The following PI4KA variants were observed in gnomAD, a reference collection of about 807,000 sequenced individuals.
PI4KA encodes phosphatidylinositol 4-kinase alpha.
A neutral mutation model predicts 271.4 loss-of-function variants in PI4KA; 122 were observed. The ratio of observed to expected loss-of-function variants is 0.45; its 90% CI spans 0.39 to 0.52. The LOEUF is 0.52. Ranked by LOEUF, PI4KA falls within the 20% of genes least tolerant of loss-of-function variation. The pLI is 0.00. For synonymous variants in PI4KA, 1,041 were observed against 1,078.8 expected (o/e 0.96, Z 0.69); for missense variants, 1,969 against 2,769.1 (o/e 0.71, Z 6.48).
At chr22:20,774,875 C>T (rs1425457425) in intron 19 of PI4KA, among the ~76,000 whole-genome samples, 1 of 151,956 alleles carries the variant, frequency 6.6e-6, no homozygotes, top group Non-Finnish European at 1.5e-5. Context: ...TGAGAACACA[C>T]ACGTACGTAC....
chr22:20,744,846 T>C, intron 29 of PI4KA, 126 bp from the exon 30 acceptor site: 1 of 615,182 alleles, frequency 1.6e-6, no homozygotes, highest in Non-Finnish European at 2.7e-6. Flanking sequence ...AATAAAAATC[T>C]TCACTGCTGG....
chr22:20,783,563 G>C (rs1385312016), intron 19 of PI4KA, among the ~76,000 whole-genome samples: 1 of 152,168 alleles, frequency 6.6e-6, no homozygotes, highest in East Asian at 1.9e-4. Flanking sequence ...GCTGCAGTGA[G>C]CTATGATGGC....
chr22:20,827,053 C>T (rs919624002), intron 3 of PI4KA, among the ~76,000 whole-genome samples: 1 of 152,112 alleles, frequency 6.6e-6, no homozygotes, highest in African/African-American at 2.4e-5. Context: ...AATTAGGTCC[C>T]ATTTGTCAAT....
intron 19 of PI4KA, chr22:20,787,275 G>C (rs1934325175): frequency 1.7e-6 from 1 of 601,264 alleles, no homozygotes. Context: ...TAAGCTCATA[G>C]AAGTCACTGT....
intron 19 of PI4KA, chr22:20,780,282 G>A: frequency 6.3e-7 from 1 of 1,588,946 alleles, no homozygotes; most frequent in Non-Finnish European, 8.6e-7. Context: ...GCCAAGAACT[G>A]TACTGTAGCT....
At chr22:20,842,714 G>A (rs1192024916) in intron 1 of PI4KA, among the ~76,000 whole-genome samples, 1 of 152,022 alleles carries the variant, frequency 6.6e-6, no homozygotes, top group Non-Finnish European at 1.5e-5. Context: ...TCGGGAGGCT[G>A]AGGCACAAGA....
At chr22:20,835,811 G>C (rs1310882336) in intron 2 of PI4KA, among the ~76,000 whole-genome samples, 1 of 152,100 alleles carries the variant, frequency 6.6e-6, no homozygotes, top group East Asian at 1.9e-4. Context: ...CACTTTGGGA[G>C]GCTGAGGCAG....
rs775593473 is a variant in PI4KA, at chr22:20,712,507, C to T, written c.5781G>A (p.Glu1927=). The T allele has an allele frequency of 2.7e-5, 44 of 1,606,408 alleles. No individual in the cohort carries two copies. The highest frequency in any genetic ancestry group is 3.7e-5 in the Non-Finnish European group (43 of 1,177,464). Residue 1927 remains glutamate (E), a synonymous_variant, in exon 50 of 55, where the codon GAG becomes GAA. Transcript: ENST00000255882. Reference sequence around the variant, plus strand: ...CTACCTGCTGGAAGGCCAGAGTGGACTCATCCCCGTACTGGCGTGTGAAGT... The same window carrying T: ...CTACCTGCTGGAAGGCCAGAGTGGATTCATCCCCGTACTGGCGTGTGAAGT... ...YDYFTRQYGD[E]STLAFQQARY...
chr22:20,834,063 G>A (rs193190968), intron 3 of PI4KA, among the ~76,000 whole-genome samples: 4 of 151,928 alleles, frequency 2.6e-5, no homozygotes, highest in African/African-American at 7.3e-5. Flanking sequence ...AATTTATTCC[G>A]TTTCTAAAGG....
Position 20,729,675 on chromosome 22 carries a change from T to C in PI4KA, c.4445A>G (p.His1482Arg). 1 of 1,588,650 alleles carries C rather than the reference T, an allele frequency of 6.3e-7. No individual in the cohort carries two copies. The highest frequency in any genetic ancestry group is 8.6e-7 in the Non-Finnish European group (1 of 1,165,578). The change falls in exon 38 of 55, where the codon CAC (histidine) becomes CGC (arginine). Residue 1482 changes from histidine to arginine, a missense_variant. This residue lies in a region of PI4KA where 388 missense variants were observed against 521.5 expected (regional missense o/e 0.74). Transcript: ENST00000255882. Reference sequence around the variant, plus strand: ...CGTCCTGCGCTTCATGTAGTATTTGTGCAGCTGGGAGCCCCGGTTGGTTTT... The same window carrying C: ...CGTCCTGCGCTTCATGTAGTATTTGCGCAGCTGGGAGCCCCGGTTGGTTTT... Reference protein sequence around the residue: ...SKKTNRGSQLHKYYMKRRTLL... With the variant: ...SKKTNRGSQLRKYYMKRRTLL...
chr22:20,737,778 C>T (rs1387563323), intron 32 of PI4KA, among the ~76,000 whole-genome samples: 7 of 152,108 alleles, frequency 4.6e-5, no homozygotes, highest in Non-Finnish European at 8.8e-5. Flanking sequence ...ATTACAGGCA[C>T]ATGCCACCAC....
At chr22:20,798,328 G>A in intron 17 of PI4KA, 1 of 460,816 alleles carries the variant, frequency 2.2e-6, no homozygotes, top group Non-Finnish European at 4.0e-6. Flanking sequence ...TAAAAAAGCA[G>A]GTCAGCTGCA....
At chr22:20,794,746 C>T (rs1284772167) in intron 18 of PI4KA, among the ~76,000 whole-genome samples, 1 of 152,198 alleles carries the variant, frequency 6.6e-6, no homozygotes, top group Non-Finnish European at 1.5e-5. Flanking sequence ...AGGACCCTGT[C>T]TGTCTCGTTC....
chr22:20,841,577 G>A (rs1373053489), intron 1 of PI4KA, among the ~76,000 whole-genome samples: 5 of 152,184 alleles, frequency 3.3e-5, no homozygotes, highest in Admixed American at 6.5e-5. Flanking sequence ...AGAGATCCAT[G>A]TAATGATTCC....
chr22:20,843,120 A>C (rs1925797634), intron 1 of PI4KA, among the ~76,000 whole-genome samples: 1 of 150,512 alleles, frequency 6.6e-6, no homozygotes, highest in Non-Finnish European at 1.5e-5. Context: ...AAAAAATTAC[A>C]GACAATATTT....
chr22:20,747,378 A>T lies in PI4KA; in HGVS notation c.3363+205T>A, dbSNP rs994194747. ...TCCATAAATTTAAAAAAAAAAAAGCACAATAAGGAAACACTCATTTCAATG... is the reference window on the plus strand; with the variant it reads ...TCCATAAATTTAAAAAAAAAAAAGCTCAATAAGGAAACACTCATTTCAATG... On this transcript the variant is annotated intron_variant, in intron 29 of 54. Transcript: ENST00000255882. 1.8e-4 allele frequency: 79 copies of T among 449,176 alleles called. No homozygotes were observed. The Admixed American group carries it at 1.9e-3, about 11-fold the overall frequency. The allele number at this position is 449,176 out of a possible 1,614,324, so 27.8% of individuals were successfully genotyped here.
chr22:20,720,679 C>T (rs1487333613), intron 43 of PI4KA, among the ~76,000 whole-genome samples: 2 of 152,196 alleles, frequency 1.3e-5, no homozygotes, highest in African/African-American at 4.8e-5. Flanking sequence ...AACAACACTG[C>T]AACAGATCAA....
intron 17 of PI4KA, among the ~76,000 whole-genome samples, chr22:20,797,295 A>G (rs1935042594): frequency 6.6e-6 from 1 of 152,190 alleles, no homozygotes; most frequent in South Asian, 2.1e-4. Context: ...AGAACTGAAG[A>G]ACTGGAAGGA....
chr22:20,806,030 A>G (rs1474144199), intron 10 of PI4KA, among the ~76,000 whole-genome samples: 1 of 152,098 alleles, frequency 6.6e-6, no homozygotes, highest in African/African-American at 2.4e-5. Context: ...CAAGGCAGCC[A>G]GCAACACACA....
Sources: allele counts gnomAD v4.1 joint callset (sites outside exome capture counted in the v4.1 genomes callset), GRCh38; gene constraint gnomAD v4.1.1; regional missense constraint gnomAD v4.1.1; transcripts MANE v1.5; gene names NCBI Gene and HGNC (gene_info 2026-07-23, HGNC 2026-07-21).